DOCK8: variants seen among roughly 807,000 people sequenced by gnomAD.
DOCK8 encodes dedicator of cytokinesis 8.
DOCK8 carries 141 observed loss-of-function variants against 245.6 expected under a neutral mutation model. The ratio of observed to expected loss-of-function variants is 0.57; its 90% confidence interval spans 0.50 to 0.66. The LOEUF (loss-of-function observed/expected upper bound fraction) is 0.66. Among genes scored for constraint, DOCK8 ranks in the 30% least tolerant of loss-of-function variants. The pLI is 0.00. For synonymous variants in DOCK8, 1,168 were observed against 970.2 expected, an observed-to-expected ratio of 1.20 and a Z score of -3.79; for missense variants, 2,965 against 2,603.4, an observed-to-expected ratio of 1.14 and a Z score of -3.02.
At chr9:349,667 C>T (rs979612048) in intron 14 of DOCK8, among the ~76,000 whole-genome samples, 8 of 152,180 alleles carry the variant, frequency 5.3e-5, no homozygotes, top group South Asian at 2.1e-4. Flanking sequence ...AGTTTAGCAG[C>T]GTTTCTAAAC....
intron 4 of DOCK8, among the ~76,000 whole-genome samples, chr9:303,970 C>A (rs1171428507): frequency 1.3e-5 from 2 of 152,080 alleles, no homozygotes; most frequent in Admixed American, 6.6e-5. Context: ...CATGTTTTAC[C>A]TTTCTTATGA....
At chr9:223,471 A>G (rs1001219489) in intron 1 of DOCK8, among the ~76,000 whole-genome samples, 6 of 152,200 alleles carry the variant, frequency 3.9e-5, no homozygotes, top group Non-Finnish European at 8.8e-5. Context: ...CCCTGGCCTC[A>G]TAGCCCTCCG....
chr9:214,109 A>T (rs1358442518), upstream of DOCK8: 1 of 239,406 alleles, frequency 4.2e-6, no homozygotes, highest in Non-Finnish European at 8.2e-6. Context: ...AGGTTAGAGC[A>T]GCACGCCGGC....
At chr9:450,199 G>A (rs1383871613) in intron 45 of DOCK8, among the ~76,000 whole-genome samples, 3 of 152,150 alleles carry the variant, frequency 2.0e-5, no homozygotes, top group East Asian at 1.9e-4. Context: ...TCTCCACTTC[G>A]GGGCCAGACC....
Position 422,030 on chromosome 9 carries a change from G to A in DOCK8, c.4154-18G>A. On this transcript the variant is annotated intron_variant, in intron 32 of 47. Transcript: ENST00000432829. ...TTCATGCTAATCAAATTCCTATCAT[G>A]CATTTCTTAACTCCTAGGGAACGAC... 1 of 1,601,800 alleles carries A rather than the reference G, an allele frequency of 6.2e-7. No individual in the cohort carries two copies. Among genetic ancestry groups the A allele is most frequent in the South Asian group, 1.1e-5 (1 of 90,824 alleles).
chr9:319,317 C>G (rs1365722602), intron 7 of DOCK8, among the ~76,000 whole-genome samples: 2 of 152,172 alleles, frequency 1.3e-5, no homozygotes, highest in Non-Finnish European at 2.9e-5. Context: ...TTGAATATCT[C>G]TTAATGAAAA....
intron 2 of DOCK8, among the ~76,000 whole-genome samples, chr9:282,688 G>C (rs925458948): frequency 6.6e-6 from 1 of 152,142 alleles, no homozygotes; most frequent in African/African-American, 2.4e-5. Flanking sequence ...CTCCCGAAGT[G>C]CTGGGACTGC....
chr9:366,281 T>C (rs11791465), intron 14 of DOCK8: 28,817 of 152,412 alleles, frequency 0.19, 2,881 homozygotes, highest in Middle Eastern at 0.26. Context: ...AACTCATACT[T>C]GCTCCCAGCA....
chr9:454,618 A>G (rs1309586220), intron 46 of DOCK8: 1 of 152,230 alleles, frequency 6.6e-6, no homozygotes, highest in Non-Finnish European at 1.5e-5. Flanking sequence ...TAGGACAAGG[A>G]GGAAAGATTG....
chr9:391,821 C>CTTTTTTT (rs373810616), intron 24 of DOCK8, among the ~76,000 whole-genome samples: 2 of 116,306 alleles, frequency 1.7e-5, no homozygotes, highest in African/African-American at 6.2e-5. Flanking sequence ...TTAAGTGAAT[C>CTTTTTTT]TTTTTTTTTT....
intron 45 of DOCK8, 32 bp from the exon 46 acceptor site, chr9:451,977 ATT>A (rs35071801): frequency 1.8e-4 from 34 of 184,510 alleles, no homozygotes; most frequent in African/African-American, 1.1e-3. Flanking sequence ...ATATATATAT[ATT>A]TTTTTTTTTT....
intron 33 of DOCK8, among the ~76,000 whole-genome samples, chr9:424,822 A>G (rs1043399612): frequency 6.6e-6 from 1 of 152,224 alleles, no homozygotes; most frequent in African/African-American, 2.4e-5. Flanking sequence ...GTAAATTTTT[A>G]TGTTAGGTGT....
At chr9:459,084 G>C (rs1452638103) in intron 46 of DOCK8, among the ~76,000 whole-genome samples, 2 of 152,214 alleles carry the variant, frequency 1.3e-5, no homozygotes, top group Admixed American at 6.5e-5. Context: ...ATCAGAGGAT[G>C]TGAGGGAAGT....
chr9:415,057 A>G (rs781476374), intron 29 of DOCK8, 106 bp downstream of exon 29: 4 of 1,496,816 alleles, frequency 2.7e-6, no homozygotes, highest in African/African-American at 1.4e-5. Context: ...TGTTCATATG[A>G]GCAATTCTTC....
intron 47 of DOCK8, 69 bp downstream of exon 47, chr9:463,756 G>A (rs528843578): frequency 6.3e-7 from 1 of 1,581,860 alleles, no homozygotes; most frequent in Non-Finnish European, 8.7e-7. Context: ...AGCACCTTGG[G>A]GCATGCTCTG....
chr9:356,597 C>A (rs2052460104), intron 14 of DOCK8, among the ~76,000 whole-genome samples: 1 of 151,788 alleles, frequency 6.6e-6, no homozygotes, highest in African/African-American at 2.4e-5. Flanking sequence ...CATCACTTTC[C>A]TTAAGCCTCT....
At chr9:400,232 CCAT>C (rs1319941838) in intron 26 of DOCK8, among the ~76,000 whole-genome samples, 79 of 102,068 alleles carry the variant, frequency 7.7e-4, no homozygotes, top group Non-Finnish European at 1.0e-3. Context: ...ACCACCTCCA[CCAT>C]CACCACCACC....
At chr9:409,751 T>G (rs1175474112) in intron 28 of DOCK8, among the ~76,000 whole-genome samples, 1 of 151,350 alleles carries the variant, frequency 6.6e-6, no homozygotes, top group Non-Finnish European at 1.5e-5. Flanking sequence ...CCCATGACAG[T>G]CCCCGGTGTG....
chr9:336,739 G>T, intron 12 of DOCK8, 21 bp downstream of exon 12: 1 of 1,613,822 alleles, frequency 6.2e-7, no homozygotes, highest in South Asian at 1.1e-5. Context: ...ACATTACAGT[G>T]TGTCTGGATT....
Sources: gnomAD v4.1 joint callset for allele counts (sites outside exome capture counted in the v4.1 genomes callset) on GRCh38, gnomAD v4.1.1 for gene constraint, MANE v1.5 for transcripts, NCBI Gene and HGNC (gene_info 2026-07-23, HGNC 2026-07-21) for gene names.